Variants in PDE10A observed in about 807,000 individuals in gnomAD.
PDE10A encodes phosphodiesterase 10A.
Under a neutral mutation model 97.7 loss-of-function variants are expected in PDE10A, and 39 were observed. The observed-to-expected ratio is 0.40, with a 90% CI of 0.31 to 0.52. The LOEUF is 0.52. PDE10A is among the 20% of genes least tolerant of loss of function. The probability of loss-of-function intolerance (pLI) is 0.56; values close to 1 mark genes in which losing one functional copy is unlikely to be tolerated. For synonymous variants in PDE10A, 371 were observed against 376.8 expected (o/e 0.98, Z 0.18); for missense variants, 731 against 1,047.8 (o/e 0.70, Z 4.17).
intron 1 of PDE10A, among the ~76,000 whole-genome samples, chr6:165,579,827 C>T (rs1785512417): frequency 6.6e-6 from 1 of 152,158 alleles, no homozygotes; most frequent in African/African-American, 2.4e-5. Flanking sequence ...GGCCTTTTCC[C>T]TAGCTTGTGC....
At chr6:165,757,206 CT>C (rs1168343546) in intron 1 of PDE10A, among the ~76,000 whole-genome samples, 1 of 152,166 alleles carries the variant, frequency 6.6e-6, no homozygotes, top group African/African-American at 2.4e-5. Context: ...ACCTCATGAT[CT>C]GCCTGCCTCA....
intron 2 of PDE10A, among the ~76,000 whole-genome samples, chr6:165,530,618 A>G (rs1275345938): frequency 2.0e-5 from 3 of 150,318 alleles, no homozygotes; most frequent in African/African-American, 7.4e-5. Context: ...TACCCCCCCC[A>G]CGAATCTAAA....
chr6:165,606,380 A>G (rs1311687473), intron 1 of PDE10A, among the ~76,000 whole-genome samples: 1 of 152,154 alleles, frequency 6.6e-6, no homozygotes, highest in East Asian at 1.9e-4. Flanking sequence ...CCACATGCAT[A>G]AAGTTCTGAG....
rs373361782 is a variant in PDE10A, at chr6:165,795,533, C to G, written c.-615+191996G>C. On this transcript the variant is annotated intron_variant, in intron 1 of 19. Coordinates refer to the PDE10A transcript ENST00000366882. ...CTGAGGTCAGGAATTCAAGATCAGCCTGGCCAACATGGTGAAACCCCGTCT... is the reference window on the plus strand; with the variant it reads ...CTGAGGTCAGGAATTCAAGATCAGCGTGGCCAACATGGTGAAACCCCGTCT... 2.6e-5 allele frequency among the ~76,000 whole-genome samples: 4 copies of G among 152,046 alleles called. No individual in the cohort carries two copies. The East Asian group carries it at 7.7e-4, about 29-fold the overall frequency.
intron 5 of PDE10A, among the ~76,000 whole-genome samples, chr6:165,440,858 G>T (rs1246585799): frequency 6.6e-6 from 1 of 151,726 alleles, no homozygotes; most frequent in Non-Finnish European, 1.5e-5. Context: ...AAAGTATAAA[G>T]TACATAAGGT....
chr6:165,805,722 T>C (rs1455340437), intron 1 of PDE10A, among the ~76,000 whole-genome samples: 1 of 152,112 alleles, frequency 6.6e-6, no homozygotes, highest in African/African-American at 2.4e-5. Flanking sequence ...GGTCTTTAGT[T>C]CATCAAGATG....
intron 3 of PDE10A, among the ~76,000 whole-genome samples, chr6:165,459,850 GCATGCT>G (rs1747431598): frequency 6.6e-6 from 1 of 152,130 alleles, no homozygotes; most frequent in African/African-American, 2.4e-5. Flanking sequence ...ACTGTGGGAA[GCATGCT>G]CATACTAAAA....
chr6:165,916,760 A>G lies in PDE10A; in HGVS notation c.-615+70769T>C, dbSNP rs116775914. Among the ~76,000 whole-genome samples, 332 of 152,338 alleles carry G rather than the reference A, an allele frequency of 2.2e-3. 1 individual carries two copies. Among genetic ancestry groups the G allele is most frequent in the African/African-American group, 7.6e-3 (317 of 41,582 alleles). On this transcript the variant is annotated intron_variant, in intron 1 of 19. Transcript: ENST00000366882. The stretch of plus-strand genomic sequence containing the variant: ...AACGGATTCCTTTTGGTCTTCAGCA[A>G]TGACCAACAATTCTCTCTTTTAGGT...
intron 1 of PDE10A, among the ~76,000 whole-genome samples, chr6:165,799,180 C>T (rs1778911828): frequency 6.6e-6 from 1 of 152,290 alleles, no homozygotes; most frequent in East Asian, 1.9e-4. Flanking sequence ...GCAAAGCCCA[C>T]CCCTGATGTG....
At chr6:165,987,392 G>T in intron 1 of PDE10A, 1 of 314,764 alleles carries the variant, frequency 3.2e-6, no homozygotes, top group Non-Finnish European at 6.2e-6. Context: ...ACGCGCACAC[G>T]TTTTCTTATT....
chr6:165,788,344 C>A (rs1054606769), intron 1 of PDE10A, among the ~76,000 whole-genome samples: 1 of 151,446 alleles, frequency 6.6e-6, no homozygotes, highest in Non-Finnish European at 1.5e-5. Context: ...ATGGAGAAAC[C>A]TCATCTCTAC....
intron 2 of PDE10A, among the ~76,000 whole-genome samples, chr6:165,538,833 TTGTACAAATAC>T (rs1315641933): frequency 4.6e-5 from 7 of 152,210 alleles, no homozygotes; most frequent in Non-Finnish European, 1.0e-4. Context: ...AATATATACT[TTGTACAAATAC>T]AGACGTGTAA....
intron 1 of PDE10A, among the ~76,000 whole-genome samples, chr6:165,562,883 G>A (rs909766012): frequency 6.6e-6 from 1 of 152,030 alleles, no homozygotes; most frequent in Admixed American, 6.6e-5. Flanking sequence ...GAGGAAGGGG[G>A]TACCAGTGAC....
At chr6:165,881,625 G>C (rs184551889) in intron 1 of PDE10A, among the ~76,000 whole-genome samples, 1 of 147,668 alleles carries the variant, frequency 6.8e-6, no homozygotes, top group Non-Finnish European at 1.5e-5. Flanking sequence ...GGATGGTCTC[G>C]ATCTCTTGAC....
At chr6:165,947,336 T>G (rs1193404231) in intron 1 of PDE10A, 1 of 152,260 alleles carries the variant, frequency 6.6e-6, no homozygotes, top group Admixed American at 6.5e-5. Context: ...GATGCTTAAG[T>G]TGACAGTGGG....
intron 1 of PDE10A, among the ~76,000 whole-genome samples, chr6:165,845,616 A>G (rs977598305): frequency 1.3e-5 from 2 of 152,234 alleles, no homozygotes; most frequent in African/African-American, 4.8e-5. Context: ...CGGTCAGGCC[A>G]AAGAGAGTGG....
intron 10 of PDE10A, among the ~76,000 whole-genome samples, chr6:165,424,344 G>C (rs1339822397): frequency 6.6e-6 from 1 of 152,116 alleles, no homozygotes; most frequent in Non-Finnish European, 1.5e-5. Flanking sequence ...GGCTGTGAAG[G>C]GTTTTGCTCA....
chr6:165,393,078 C>G (rs1299059023), intron 15 of PDE10A, among the ~76,000 whole-genome samples: 1 of 152,084 alleles, frequency 6.6e-6, no homozygotes, highest in East Asian at 1.9e-4. Context: ...ACACAGTCAC[C>G]CGTCACCAGC....
chr6:165,530,918 C>A (rs1231096367), intron 2 of PDE10A, among the ~76,000 whole-genome samples: 1 of 152,156 alleles, frequency 6.6e-6, no homozygotes, highest in Admixed American at 6.5e-5. Flanking sequence ...CTCCTTCAAA[C>A]CTTTCAATAA....
Sources: gnomAD v4.1 joint callset for allele counts (sites outside exome capture counted in the v4.1 genomes callset) on GRCh38, gnomAD v4.1.1 for gene constraint, MANE v1.5 for transcripts, NCBI Gene and HGNC (gene_info 2026-07-23, HGNC 2026-07-21) for gene names.